Variants in OPN3 observed in about 807,000 individuals in gnomAD.
The protein encoded by OPN3 is opsin-3.
Under a neutral mutation model 33.8 loss-of-function variants are expected in OPN3, and 29 were observed. That is an observed-to-expected ratio of 0.86 (90% CI 0.64 to 1.17). The LOEUF (loss-of-function observed/expected upper bound fraction) is 1.17. Among genes scored for constraint, OPN3 ranks in the 50% most tolerant of loss-of-function variants. The pLI is 0.00. For missense variants in OPN3, 437 were observed against 514.1 expected (o/e 0.85, Z 1.45); for synonymous variants, 216 against 216.1 (o/e 1.00, Z 0.00).
chr1:241,601,505 C>G (rs1663676610), intron 2 of OPN3, among the ~76,000 whole-genome samples: 1 of 151,984 alleles, frequency 6.6e-6, no homozygotes, highest in African/African-American at 2.4e-5. Flanking sequence ...GAGTTCGAAA[C>G]CAGCCTGGCC....
chr1:241,633,594 A>C, intron 1 of OPN3: 4 of 615,020 alleles, frequency 6.5e-6, no homozygotes, highest in South Asian at 4.1e-5. Flanking sequence ...TTCTAAACAA[A>C]ATGTTCAATA....
At chr1:241,622,925 C>T (rs1664307377) in intron 1 of OPN3, among the ~76,000 whole-genome samples, 1 of 152,102 alleles carries the variant, frequency 6.6e-6, no homozygotes, top group African/African-American at 2.4e-5. Flanking sequence ...GTCATCAGGG[C>T]TTTGGCTCTC....
In OPN3 at chr1:241,596,165, TGAGA is replaced by T. The variant is rs568771260; in HGVS notation, c.946-1478_946-1475del. Among the ~76,000 whole-genome samples, 231 of 152,364 alleles carry T rather than the reference TGAGA, an allele frequency of 1.5e-3. 2 individuals are homozygous for T. The highest frequency in any genetic ancestry group is 0.01 in the Middle Eastern group (3 of 294). ...AAGCACTAATTTATAGCCCATTGGC[TGAGA>T]GAAAGAGTGCAACAAATAATTGTTA... On this transcript the variant is annotated intron_variant, in intron 3 of 3. Coordinates refer to ENST00000366554, the MANE Select transcript of OPN3 (RefSeq NM_014322.3).
chr1:241,637,426 G>A (rs1664939958), intron 1 of OPN3, among the ~76,000 whole-genome samples: 1 of 152,200 alleles, frequency 6.6e-6, no homozygotes, highest in South Asian at 2.1e-4. Context: ...AGTACAGAAT[G>A]CAGCAGTTGC....
intron 2 of OPN3, chr1:241,600,373 G>C (rs970676793): frequency 6.6e-6 from 1 of 151,830 alleles, no homozygotes; most frequent in African/African-American, 2.4e-5. Flanking sequence ...TCGATTTCAT[G>C]TCTTACCCTC....
At chr1:241,614,251 A>T (rs1664066421) in intron 1 of OPN3, 1 of 152,074 alleles carries the variant, frequency 6.6e-6, no homozygotes, top group Non-Finnish European at 1.5e-5. Flanking sequence ...TAGCTACCCA[A>T]ATGCTTGCAG....
chr1:241,628,516 T>C (rs918170420), intron 1 of OPN3, among the ~76,000 whole-genome samples: 12 of 152,152 alleles, frequency 7.9e-5, no homozygotes, highest in African/African-American at 2.7e-4. Flanking sequence ...TTCGGTCACA[T>C]CTATGAATCC....
At chr1:241,627,553 A>G (rs557954463) in intron 1 of OPN3, among the ~76,000 whole-genome samples, 3 of 152,334 alleles carry the variant, frequency 2.0e-5, no homozygotes, top group Non-Finnish European at 2.9e-5. Context: ...TTGTCAAGAG[A>G]AAAGTATTCC....
At chr1:241,603,456 T>C (rs144338450) in intron 2 of OPN3, among the ~76,000 whole-genome samples, 49 of 151,008 alleles carry the variant, frequency 3.2e-4, no homozygotes, top group African/African-American at 8.1e-4. Context: ...CATCTAAGTG[T>C]AGACAGATGT....
chr1:241,633,779 TTCGAGATTGC>T (rs750692689), intron 1 of OPN3: 5 of 1,612,044 alleles, frequency 3.1e-6, no homozygotes, highest in Non-Finnish European at 4.2e-6. Flanking sequence ...AAAACAGCAT[TTCGAGATTGC>T]TCTTTTCTAA....
rs768060664 is a variant in OPN3, at chr1:241,640,096, C to G, written c.159G>C (p.Leu53=). 5.0e-6 allele frequency: 8 copies of G among 1,609,244 alleles called. No homozygotes were observed. The African/African-American group carries it at 8.1e-5, about 16-fold the overall frequency. ...CCAGCAGGTTGTTGCCGACGCCCAGCAGCCCAATGGAGCCCAGCAGCAGCG... is the reference window on the plus strand; with the variant it reads ...CCAGCAGGTTGTTGCCGACGCCCAGGAGCCCAATGGAGCCCAGCAGCAGCG... The part of the protein sequence containing the change: ...RLALLLGSIG[L]LGVGNNLLVL... The change falls in exon 1 of 4, where the codon CTG becomes CTC. Residue 53 remains leucine, a synonymous_variant. Coordinates refer to ENST00000366554, the MANE Select transcript of OPN3 (RefSeq NM_014322.3).
chr1:241,619,369 C>T (rs1353411059), intron 1 of OPN3, among the ~76,000 whole-genome samples: 1 of 152,188 alleles, frequency 6.6e-6, no homozygotes, highest in Non-Finnish European at 1.5e-5. Flanking sequence ...GGGTGCCAGG[C>T]TGAGCCAGCC....
At chr1:241,603,249 G>A (rs3753216) in intron 2 of OPN3, among the ~76,000 whole-genome samples, 91,868 of 151,978 alleles carry the variant, frequency 0.6, 28,420 homozygotes, top group Middle Eastern at 0.7. Flanking sequence ...TGTAAAGAGA[G>A]GTAAGGAGTC....
chr1:241,597,551 C>T (rs945927524), intron 3 of OPN3, among the ~76,000 whole-genome samples, 195 bp downstream of exon 3: 5 of 151,750 alleles, frequency 3.3e-5, no homozygotes, highest in Admixed American at 6.6e-5. Context: ...AGTGTGAATC[C>T]CTATGGGTAG....
chr1:241,605,347 C>G (rs2050511), intron 1 of OPN3, among the ~76,000 whole-genome samples: 2 of 152,076 alleles, frequency 1.3e-5, no homozygotes, highest in East Asian at 3.9e-4. Flanking sequence ...AGAGGACTGC[C>G]GTAACCTGCG....
At chr1:241,618,383 A>G (rs1409009691) in intron 1 of OPN3, among the ~76,000 whole-genome samples, 1 of 152,216 alleles carries the variant, frequency 6.6e-6, no homozygotes, top group East Asian at 1.9e-4. Flanking sequence ...CAGAACGTGA[A>G]TATCTGTAAG....
intron 1 of OPN3, among the ~76,000 whole-genome samples, chr1:241,605,785 G>A (rs1047142079): frequency 4.6e-5 from 7 of 152,190 alleles, no homozygotes; most frequent in African/African-American, 1.7e-4. Context: ...GGACACCAAG[G>A]GGTCTATAAA....
chr1:241,620,933 T>C (rs1664257199), intron 1 of OPN3, among the ~76,000 whole-genome samples: 1 of 152,060 alleles, frequency 6.6e-6, no homozygotes, highest in Admixed American at 6.6e-5. Flanking sequence ...GCATTGTTTA[T>C]TATATTATAG....
intron 1 of OPN3, chr1:241,630,704 T>C (rs1050579250): frequency 5.3e-5 from 8 of 152,104 alleles, no homozygotes; most frequent in African/African-American, 1.7e-4. Flanking sequence ...GTAGGAATAA[T>C]GGTAGTTCTT....
Sources: gnomAD v4.1 joint callset for allele counts (sites outside exome capture counted in the v4.1 genomes callset) on GRCh38, gnomAD v4.1.1 for gene constraint, MANE v1.5 for transcripts, NCBI Gene and HGNC (gene_info 2026-07-23, HGNC 2026-07-21) for gene names.